The following ADARB2 variants were observed in gnomAD, a reference collection of about 807,000 sequenced individuals.
ADARB2 encodes inactive double-stranded RNA-specific editase B2.
Under a neutral mutation model 62.2 loss-of-function variants are expected in ADARB2, and 25 were observed. The observed-to-expected ratio is 0.40, with a 90% CI of 0.29 to 0.56. ADARB2 has a LOEUF of 0.56. ADARB2 is among the 20% of genes least tolerant of loss of function. ADARB2 has a pLI of 0.43. For missense variants in ADARB2, 1,071 were observed against 1,077.4 expected (o/e 0.99, Z 0.08); for synonymous variants, 572 against 500.8 (o/e 1.14, Z -1.90).
chr10:1,619,300 A>G (rs1321317521), intron 1 of ADARB2, among the ~76,000 whole-genome samples: 1 of 142,596 alleles, frequency 7.0e-6, no homozygotes, highest in South Asian at 2.2e-4. Context: ...AAAAAAAAAA[A>G]AAAAAAAAGA....
intron 1 of ADARB2, among the ~76,000 whole-genome samples, chr10:1,676,852 G>T (rs1834472388): frequency 6.6e-6 from 1 of 151,648 alleles, no homozygotes. Context: ...GCATGAAGAG[G>T]ATGGAGAGAA....
chr10:1,327,420 C>T (rs1281106165), intron 3 of ADARB2, among the ~76,000 whole-genome samples: 3 of 95,118 alleles, frequency 3.2e-5, no homozygotes, highest in Admixed American at 2.7e-4. Flanking sequence ...CACTGCCCAG[C>T]GCCTCCCCAC....
chr10:1,470,815 C>G (rs1278964516), intron 1 of ADARB2, among the ~76,000 whole-genome samples: 2 of 152,196 alleles, frequency 1.3e-5, no homozygotes, highest in Non-Finnish European at 2.9e-5. Context: ...AATCCCAGCA[C>G]TTTGGGAGGC....
intron 1 of ADARB2, among the ~76,000 whole-genome samples, chr10:1,563,146 A>C (rs991633769): frequency 1.4e-4 from 19 of 140,024 alleles, no homozygotes; most frequent in South Asian, 4.7e-4. Flanking sequence ...TGTGTCCTCC[A>C]CATGTGACCT....
intron 3 of ADARB2, among the ~76,000 whole-genome samples, chr10:1,278,289 CTTT>C (rs76796387): frequency 7.1e-5 from 10 of 141,474 alleles, no homozygotes; most frequent in African/African-American, 2.3e-4. Flanking sequence ...TCCTTTTTTT[CTTT>C]TTTTTTTTTT....
intron 1 of ADARB2, among the ~76,000 whole-genome samples, chr10:1,506,392 A>G (rs1831853677): frequency 6.6e-6 from 1 of 152,198 alleles, no homozygotes; most frequent in Non-Finnish European, 1.5e-5. Context: ...TCTAGCAGGA[A>G]GCCCACAGGC....
intron 1 of ADARB2, among the ~76,000 whole-genome samples, chr10:1,694,225 C>T (rs150989443): frequency 3.3e-5 from 5 of 152,292 alleles, no homozygotes; most frequent in African/African-American, 7.2e-5. Flanking sequence ...ATTCTCTACA[C>T]AGAAATATTG....
chr10:1,357,843 GA>G (rs1440783599), intron 3 of ADARB2, among the ~76,000 whole-genome samples: 2 of 152,244 alleles, frequency 1.3e-5, no homozygotes, highest in African/African-American at 2.4e-5. Context: ...ACTCTGTGCA[GA>G]GGAGAAAACT....
chr10:1,712,131 G>A (rs1834955047), intron 1 of ADARB2, among the ~76,000 whole-genome samples: 1 of 152,164 alleles, frequency 6.6e-6, no homozygotes, highest in Non-Finnish European at 1.5e-5. Flanking sequence ...AATGTTCGAA[G>A]CTGTATTTAA....
intron 4 of ADARB2, among the ~76,000 whole-genome samples, chr10:1,259,380 A>G (rs1332915815): frequency 2.0e-5 from 3 of 152,226 alleles, no homozygotes; most frequent in Admixed American, 2.0e-4. Context: ...TGAAAAGATC[A>G]ACAAAATTGA....
chr10:1,413,662 C>T (rs981727461), intron 1 of ADARB2, among the ~76,000 whole-genome samples: 16 of 152,106 alleles, frequency 1.1e-4, no homozygotes, highest in African/African-American at 3.9e-4. Flanking sequence ...TCACTCAGGC[C>T]CTGCCCCTGG....
Position 1,180,344 on chromosome 10 carries a change from G to A in ADARB2, c.*2849C>T, listed in dbSNP as rs1240920482. On this transcript the variant is annotated 3_prime_UTR_variant, in exon 10 of 10. Transcript: ENST00000381312. ...GGAATCCTGGGACCCGGGTCTTCCAGGCACACCTGGGGCTGTGGGAATCCT... is the reference window on the plus strand; with the variant it reads ...GGAATCCTGGGACCCGGGTCTTCCAAGCACACCTGGGGCTGTGGGAATCCT... 6.6e-6 allele frequency: 1 copy of A among 151,316 alleles called. No homozygotes were observed. Among genetic ancestry groups the A allele is most frequent in the Admixed American group, 6.6e-5 (1 of 15,216 alleles). The allele number at this position is 151,316 out of a possible 1,614,324, so 9.4% of individuals were successfully genotyped here. A position where few individuals can be genotyped will look rare whatever the true frequency, so the allele number is the denominator to read the frequency against.
At chr10:1,444,122 C>T (rs1477374171) in intron 1 of ADARB2, among the ~76,000 whole-genome samples, 1 of 151,770 alleles carries the variant, frequency 6.6e-6, no homozygotes, top group Non-Finnish European at 1.5e-5. Flanking sequence ...ATTCATCCAT[C>T]TATCCATCTA....
At chr10:1,278,401 T>C (rs1176127646) in intron 3 of ADARB2, among the ~76,000 whole-genome samples, 1 of 151,924 alleles carries the variant, frequency 6.6e-6, no homozygotes, top group African/African-American at 2.4e-5. Context: ...GCACAGTACT[T>C]GGTAGTTAGT....
intron 2 of ADARB2, among the ~76,000 whole-genome samples, chr10:1,374,707 C>T (rs1306461529): frequency 2.6e-5 from 4 of 152,202 alleles, no homozygotes; most frequent in Admixed American, 6.5e-5. Flanking sequence ...GCCGTTTGCA[C>T]GCCCGGCTTC....
At chr10:1,514,109 C>T (rs962670194) in intron 1 of ADARB2, among the ~76,000 whole-genome samples, 5 of 142,062 alleles carry the variant, frequency 3.5e-5, no homozygotes, top group African/African-American at 7.7e-5. Context: ...CCTGTGAGAT[C>T]GAGGCAGCAG....
chr10:1,558,316 ACC>A, intron 1 of ADARB2, among the ~76,000 whole-genome samples: 1 of 51,802 alleles, frequency 1.9e-5, no homozygotes, highest in Middle Eastern at 0.013. Flanking sequence ...GCCCCCACGC[ACC>A]CCATCTAAAT....
intron 3 of ADARB2, among the ~76,000 whole-genome samples, chr10:1,303,432 G>A (rs1462742181): frequency 6.6e-6 from 1 of 152,032 alleles, no homozygotes; most frequent in Non-Finnish European, 1.5e-5. Context: ...GGGGAGAATG[G>A]AACCAAGTTG....
intron 1 of ADARB2, among the ~76,000 whole-genome samples, chr10:1,578,178 A>T (rs6560741): frequency 0.59 from 89,458 of 152,002 alleles, 26,602 homozygotes; most frequent in Non-Finnish European, 0.63. Flanking sequence ...AGGTGAACTT[A>T]AGGGGTTCCC....
Sources: gnomAD v4.1 joint callset for allele counts (sites outside exome capture counted in the v4.1 genomes callset) on GRCh38, gnomAD v4.1.1 for gene constraint, MANE v1.5 for transcripts, NCBI Gene and HGNC (gene_info 2026-07-23, HGNC 2026-07-21) for gene names.